Variants in L1CAM observed in about 807,000 individuals in gnomAD.
L1CAM encodes L1 cell adhesion molecule, also known as neural cell adhesion molecule L1.
A neutral mutation model predicts 93.0 loss-of-function variants in L1CAM; 8 were observed. The observed-to-expected ratio is 0.09, with a 90% CI of 0.05 to 0.16. The LOEUF (loss-of-function observed/expected upper bound fraction) is 0.16, where lower values mean the gene tolerates loss of function less well. Ranked by LOEUF, L1CAM falls within the 10% of genes least tolerant of loss-of-function variation. L1CAM has a pLI of 1.00. For missense variants in L1CAM, 777 were observed against 1,073.4 expected (o/e 0.72, Z 3.86); for synonymous variants, 453 against 453.0 (o/e 1.00, Z 0.00).
chrX:153,869,906 C>T lies in L1CAM; in HGVS notation c.1020G>A (p.Gln340=), dbSNP rs781948013. The T allele has an allele frequency of 4.3e-5, 52 of 1,209,747 alleles. No individual in the cohort carries two copies. In the South Asian group the frequency reaches 8.6e-4, roughly 20 times the overall value. ...EAAPYWLHKP[Q]SHLYGPGETA... ...TCTCTCCTGGCCCATATAGATGGCTCTGGGGCTTGTGCAGCCAGTACGGGG... is the reference window on the plus strand; with the variant it reads ...TCTCTCCTGGCCCATATAGATGGCTTTGGGGCTTGTGCAGCCAGTACGGGG... The change falls in exon 10 of 29, where the codon CAG becomes CAA. Residue 340 remains glutamine (Q), a synonymous_variant. Transcript: ENST00000370060.
At position 153,863,469 on chromosome X, in the gene L1CAM, C is replaced by G. The variant is rs200870843; in HGVS notation, c.3530+8G>C. 6 of 1,210,942 alleles carry G rather than the reference C, an allele frequency of 5.0e-6. No homozygotes were observed. In the South Asian group the frequency reaches 1.1e-4, roughly 21 times the overall value. Reference sequence around the variant, plus strand: ...TGAGTGCCAGCACCCACTCCTGCCCCGGCTCACCTGTACTCGCCGAAGGTC... The same window carrying G: ...TGAGTGCCAGCACCCACTCCTGCCCGGGCTCACCTGTACTCGCCGAAGGTC... On this transcript the variant is annotated splice_region_variant and intron_variant, in intron 27 of 28. Coordinates refer to ENST00000370060, the MANE Select transcript of L1CAM (RefSeq NM_001278116.2).
rs2064734868 is a variant in L1CAM, at chrX:153,868,361, C to A, written c.1644G>T (p.Gln548His). 8.3e-7 allele frequency: 1 copy of A among 1,211,730 alleles called. No individual in the cohort carries two copies. Among genetic ancestry groups the A allele is most frequent in the Non-Finnish European group, 1.1e-6 (1 of 895,380 alleles). ...TCQASFDPSL[Q>H]PSITWRGDGR... ...CGTCCCCACGCCAGGTGATGCTGGGCTGCAAGGAGGGGTCAAAGGAGGCCT... is the reference window on the plus strand; with the variant it reads ...CGTCCCCACGCCAGGTGATGCTGGGATGCAAGGAGGGGTCAAAGGAGGCCT... The change falls in exon 14 of 29, where the codon CAG becomes CAT. Residue 548 changes from glutamine to histidine, a missense_variant. Coordinates refer to ENST00000370060, the MANE Select transcript of L1CAM (RefSeq NM_001278116.2).
intron 2 of L1CAM, among the ~76,000 whole-genome samples, chrX:153,873,634 G>C (rs782051935): frequency 1.8e-5 from 2 of 112,563 alleles, no homozygotes; most frequent in East Asian, 5.6e-4. Context: ...CACCCATTCA[G>C]GATGCCTTGG....
chrX:153,865,760 C>A lies in L1CAM; in HGVS notation c.2491G>T (p.Val831Phe). The A allele has an allele frequency of 1.7e-6, 2 of 1,211,384 alleles. No homozygotes were observed. The highest frequency in any genetic ancestry group is 3.5e-5 in the South Asian group (2 of 56,993). The change falls in exon 20 of 29, where the codon GTC (valine) becomes TTC (phenylalanine). Residue 831 changes from valine (V) to phenylalanine (F), a missense_variant. Transcript: ENST00000370060. ...IEILNSSAVL[V>F]KWRPVDLAQV... ...GCCAGGTCCACCGGCCGCCACTTGA[C>A]CAGCACGGCACTTGAGTTGAGGATT... is the stretch of plus-strand genomic sequence containing the variant.
chrX:153,862,812 C>A lies in L1CAM; in HGVS notation c.3625G>T (p.Ala1209Ser), dbSNP rs1557089337. 8.2e-7 allele frequency: 1 copy of A among 1,212,234 alleles called. No individual in the cohort carries two copies. The change falls in exon 29 of 29, where the codon GCC becomes TCC. Residue 1209 changes from alanine (A) to serine (S), a missense_variant. By Grantham distance (99) the Ala-to-Ser change is moderately conservative (BLOSUM62 1). Coordinates refer to ENST00000370060, the MANE Select transcript of L1CAM (RefSeq NM_001278116.2). ...ACATCCACGCTGCCCCCATAATCGG[C>A]CAGGCTGTCGTCACTGCCCAGGGGC... is the stretch of plus-strand genomic sequence containing the variant. ...IKPLGSDDSL[A>S]DYGGSVDVQF...
At chrX:153,870,307 A>G in intron 8 of L1CAM, 67 bp from the exon 9 acceptor site, 1 of 1,180,969 alleles carries the variant, frequency 8.5e-7, no homozygotes. Flanking sequence ...CCAGCCCCCT[A>G]TACCCCGCGG....
chrX:153,885,357 C>A (rs1557096682), intron 1 of L1CAM: 2 of 980,758 alleles, frequency 2.0e-6, no homozygotes, highest in Non-Finnish European at 2.7e-6. Flanking sequence ...CCCTGACTGG[C>A]CACAGAGCCT....
Position 153,865,483 on chromosome X carries a change from C to T in L1CAM, c.2565G>A (p.Glu855=), listed in dbSNP as rs1486944844. ...LRGYNVTYWR[E]GSQRKHSKRH... Reference sequence around the variant, plus strand: ...TCTTGCTGTGCTTCCTCTGACTGCCCTCCCTCCAGTACGTCACCTGCACAA... The same window carrying T: ...TCTTGCTGTGCTTCCTCTGACTGCCTTCCCTCCAGTACGTCACCTGCACAA... The change falls in exon 21 of 29, where the codon GAG becomes GAA. Residue 855 remains glutamate (E), a synonymous_variant. Coordinates refer to ENST00000370060, the MANE Select transcript of L1CAM (RefSeq NM_001278116.2). 1.7e-6 allele frequency: 2 copies of T among 1,209,334 alleles called. No homozygotes were observed. The highest frequency in any genetic ancestry group is 2.2e-6 in the Non-Finnish European group (2 of 894,599).
rs901418000 is a variant in L1CAM at position 153,872,090 on chromosome X, C to T, written c.400+62G>A. On this transcript the variant is annotated intron_variant, in intron 5 of 28. Coordinates refer to ENST00000370060, the MANE Select transcript of L1CAM (RefSeq NM_001278116.2). ...GAGACAACTGGCTGACAGCAGCTTC[C>T]AGCCCACAATCCCACACGAACTCCG... 2.0e-5 allele frequency: 20 copies of T among 1,015,283 alleles called. No individual in the cohort carries two copies. In the South Asian group the frequency reaches 3.8e-4, roughly 19 times the overall value. 83.7% of individuals were successfully genotyped at this position (1,015,283 alleles called of 1,213,427 possible).
chrX:153,875,925 G>C lies in L1CAM; in HGVS notation c.-89C>G, dbSNP rs2064810880. 1.2e-5 allele frequency: 9 copies of C among 760,857 alleles called. No individual in the cohort carries two copies. The highest frequency in any genetic ancestry group is 1.8e-5 in the Non-Finnish European group (9 of 508,053). The allele number at this position is 760,857 out of a possible 1,213,427, so 62.7% of individuals were successfully genotyped here. A position where few individuals can be genotyped will look rare whatever the true frequency, so the allele number is the denominator to read the frequency against. On this transcript the variant is annotated 5_prime_UTR_variant, in exon 2 of 29. Coordinates refer to ENST00000370060, the MANE Select transcript of L1CAM (RefSeq NM_001278116.2). ...AGGGGGCTGGTGGGCGGCTTGGGGC[G>C]GGAGTTGGGAGTGGGGGCACTGGGA...
At chrX:153,875,036 G>A (rs1158536664) in intron 2 of L1CAM, among the ~76,000 whole-genome samples, 2 of 111,841 alleles carry the variant, frequency 1.8e-5, no homozygotes, top group East Asian at 2.8e-4. Context: ...GAATATCTAC[G>A]CTCAGTCAAT....
At chrX:153,876,059 C>T in intron 1 of L1CAM, 115 bp from the exon 2 acceptor site, 2 of 453,331 alleles carry the variant, frequency 4.4e-6, no homozygotes, top group Non-Finnish European at 7.8e-6. Context: ...CTCAGCCCCG[C>T]CCCCAGCTGG....
chrX:153,866,590 G>A, intron 19 of L1CAM, 59 bp downstream of exon 19: 2 of 882,222 alleles, frequency 2.3e-6, no homozygotes, highest in Admixed American at 4.5e-5. Flanking sequence ...GTGTGGACAT[G>A]GGCTGGGGTG....
intron 1 of L1CAM, among the ~76,000 whole-genome samples, chrX:153,881,056 C>A (rs1457102384): frequency 2.7e-5 from 3 of 112,241 alleles, no homozygotes; most frequent in Non-Finnish European, 5.6e-5. Flanking sequence ...GAGGGAGGAG[C>A]CCCACTCCAT....
chrX:153,878,494 C>T (rs1480661725), intron 1 of L1CAM, among the ~76,000 whole-genome samples: 1 of 112,849 alleles, frequency 8.9e-6, no homozygotes, highest in Admixed American at 9.3e-5. Context: ...AACAGTGGAT[C>T]TGTTCCACCC....
chrX:153,876,582 C>T (rs1557094618), intron 1 of L1CAM, among the ~76,000 whole-genome samples: 1 of 112,711 alleles, frequency 8.9e-6, no homozygotes, highest in South Asian at 3.6e-4. Context: ...CCAACTGATG[C>T]CTGGGTGCTG....
chrX:153,866,725 C>G lies in L1CAM; in HGVS notation c.2355G>C (p.Glu785Asp). The stretch of plus-strand genomic sequence containing the variant: ...GGCTGTTGACGGCCTGGACTTTGAT[C>G]TCATAGGGCACGAAGGTGGACGTGT... ...VSNTSTFVPYEIKVQAVNSQG... is the reference protein window; with the variant it reads ...VSNTSTFVPYDIKVQAVNSQG... The change falls in exon 19 of 29, where the codon GAG (glutamate) becomes GAC (aspartate). Residue 785 changes from glutamate (E) to aspartate (D), a missense_variant. Transcript: ENST00000370060. 1 of 1,211,576 alleles carries G rather than the reference C, an allele frequency of 8.3e-7. No individual in the cohort carries two copies. Among genetic ancestry groups the G allele is most frequent in the Non-Finnish European group, 1.1e-6 (1 of 895,385 alleles).
In L1CAM at chrX:153,872,285, C is replaced by A. The variant is rs782641422; in HGVS notation, c.267G>T (p.Ser89=). The change falls in exon 5 of 29, where the codon TCG becomes TCT. Residue 89 remains serine, a synonymous_variant. Coordinates refer to ENST00000370060, the MANE Select transcript of L1CAM (RefSeq NM_001278116.2). ...TGATGGTGAAGGAGCCAGAGTGGGG[C>A]GACTGGTACACGGTCACACCCAGCT... ...KEELGVTVYQ[S]PHSGSFTITG... is the part of the protein sequence containing the mutation. The A allele has an allele frequency of 3.3e-6, 4 of 1,204,115 alleles. No homozygotes were observed. The highest frequency in any genetic ancestry group is 4.5e-5 in the Admixed American group (2 of 44,830).
chrX:153,863,242 G>A (rs782129774), intron 28 of L1CAM, 126 bp downstream of exon 28: 7 of 739,129 alleles, frequency 9.5e-6, no homozygotes, highest in African/African-American at 4.2e-5. Flanking sequence ...AGGAGCTGCC[G>A]GGCCTGGGGG....
Sources: allele counts gnomAD v4.1 joint callset (sites outside exome capture counted in the v4.1 genomes callset), GRCh38; gene constraint gnomAD v4.1.1; transcripts MANE v1.5; gene names NCBI Gene and HGNC (gene_info 2026-07-23, HGNC 2026-07-21).